The following CRACD variants were observed in gnomAD, a reference collection of about 807,000 sequenced individuals.
CRACD encodes capping protein inhibiting regulator of actin dynamics, also known as capping protein-inhibiting regulator of actin dynamics.
Under a neutral mutation model 106.8 loss-of-function variants are expected in CRACD, and 56 were observed. That is an observed-to-expected ratio of 0.52 (90% confidence interval 0.42 to 0.66). The LOEUF is 0.66. CRACD is among the 30% of genes least tolerant of loss of function. The pLI, the probability that CRACD is intolerant of heterozygous loss-of-function variation, is 0.00. For missense variants in CRACD, 1,730 were observed against 1,623.2 expected, an observed-to-expected ratio of 1.07 and a Z score of -1.13; for synonymous variants, 754 against 670.8, an observed-to-expected ratio of 1.12 and a Z score of -1.92.
chr4:56,182,633 G>A (rs1736880571), intron 2 of CRACD, among the ~76,000 whole-genome samples: 1 of 152,094 alleles, frequency 6.6e-6, no homozygotes, highest in Non-Finnish European at 1.5e-5. Context: ...CGACGTTGCA[G>A]TCCCTGTCCA....
chr4:56,314,544 G>C lies in CRACD; in HGVS notation c.1042G>C (p.Glu348Gln), dbSNP rs148920534. 4.7e-4 allele frequency: 710 copies of C among 1,504,984 alleles called. 2 individuals are homozygous for C. In the African/African-American group the frequency reaches 8.1e-3, roughly 17 times the overall value. The allele number at this position is 1,504,984 out of a possible 1,614,324, so 93.2% of individuals were successfully genotyped here. ...DARLEERRRQ[E>Q]EEEGRCAEEL... ...CAGGCTGGAGGAGCGGAGGCGGCAG[G>C]AGGAGGAGGAAGGAAGATGCGCGGA... Residue 348 changes from glutamate (E) to glutamine (Q), a missense_variant, in exon 8 of 11, where the codon GAG becomes CAG. Around this residue, in one of 5 missense-constraint regions of CRACD, gnomAD observed 1,620 missense variants for 1,481.6 expected, o/e 1.09. Transcript: ENST00000682029. The surrounding 1 kb of genome is among the most constrained non-coding windows in gnomAD (Gnocchi z 4.4).
At chr4:56,138,807 T>G (rs1034498808) in intron 1 of CRACD, among the ~76,000 whole-genome samples, 3 of 152,194 alleles carry the variant, frequency 2.0e-5, no homozygotes, top group South Asian at 2.1e-4. Flanking sequence ...CCTTTTGACC[T>G]AGAAAACTGA....
At chr4:56,308,392 CT>C in intron 5 of CRACD, among the ~76,000 whole-genome samples, 1 of 151,884 alleles carries the variant, frequency 6.6e-6, no homozygotes, top group East Asian at 1.9e-4. Context: ...GCCCTTAGAC[CT>C]CTTAGGGAAA....
intron 3 of CRACD, among the ~76,000 whole-genome samples, chr4:56,283,929 T>C (rs1329612897): frequency 6.6e-6 from 1 of 152,092 alleles, no homozygotes; most frequent in Non-Finnish European, 1.5e-5. Context: ...CTGGTTTAAG[T>C]TGAAAAGAAG....
At chr4:56,111,120 A>G (rs922252331) in intron 1 of CRACD, among the ~76,000 whole-genome samples, 18 of 152,222 alleles carry the variant, frequency 1.2e-4, no homozygotes, top group Non-Finnish European at 2.2e-4. Context: ...CAGCATTTAT[A>G]TAGTAATGAT....
intron 1 of CRACD, among the ~76,000 whole-genome samples, chr4:56,151,598 G>T (rs1242099405): frequency 2.0e-5 from 3 of 151,914 alleles, no homozygotes; most frequent in Non-Finnish European, 4.4e-5. Context: ...TTATTAGTTT[G>T]CTACCATTTA....
At chr4:56,071,846 G>T (rs1423809190) in intron 1 of CRACD, among the ~76,000 whole-genome samples, 2 of 151,768 alleles carry the variant, frequency 1.3e-5, no homozygotes, top group Admixed American at 1.3e-4. Context: ...TCAGAATTGG[G>T]GCCGGGCGCG....
In CRACD at chr4:56,314,500, G is replaced by T; in HGVS notation, c.998G>T (p.Arg333Leu). 3 of 1,517,258 alleles carry T rather than the reference G, an allele frequency of 2.0e-6. No homozygotes were observed. The highest frequency in any genetic ancestry group is 2.6e-6 in the Non-Finnish European group (3 of 1,135,904). The allele number at this position is 1,517,258 out of a possible 1,614,324, so 94.0% of individuals were successfully genotyped here. A position where few individuals can be genotyped will look rare whatever the true frequency, so the allele number is the denominator to read the frequency against. ...GCCCAGGCCCAAGCGGAGGAGAGGC[G>T]GCGGCTGGAGGAGGACGCCAGGCTG... ...LQAQAQAEER[R>L]RLEEDARLEE... is the part of the protein sequence containing the mutation. Residue 333 changes from arginine (R) to leucine (L), a missense_variant, in exon 8 of 11, where the codon CGG (arginine) becomes CTG (leucine). Arg to Leu is a moderately radical substitution (Grantham distance 102). Coordinates refer to ENST00000682029, the MANE Select transcript of CRACD (RefSeq NM_001393381.1). This position sits in a 1 kb window ranked among gnomAD's most constrained non-coding sequence, Gnocchi z 4.4.
intron 1 of CRACD, among the ~76,000 whole-genome samples, chr4:56,053,516 T>C (rs1166110886): frequency 6.6e-6 from 1 of 151,258 alleles, no homozygotes; most frequent in East Asian, 1.9e-4. Flanking sequence ...CAAATTTCAC[T>C]TTTTTTTTAC....
At chr4:56,260,399 A>G (rs570929016) in intron 2 of CRACD, among the ~76,000 whole-genome samples, 1 of 152,298 alleles carries the variant, frequency 6.6e-6, no homozygotes, top group East Asian at 1.9e-4. Flanking sequence ...TGAAAGGATG[A>G]CTTTCTTATT....
intron 3 of CRACD, 76 bp from the exon 4 acceptor site, chr4:56,298,138 A>G: frequency 1.3e-6 from 2 of 1,492,016 alleles, no homozygotes; most frequent in East Asian, 2.3e-5. Flanking sequence ...AGTCCCTCCA[A>G]TCAGGAATAA....
At chr4:56,185,538 A>AT (rs1005243853) in intron 2 of CRACD, among the ~76,000 whole-genome samples, 9 of 152,134 alleles carry the variant, frequency 5.9e-5, no homozygotes, top group African/African-American at 1.9e-4. Flanking sequence ...TTCTCCTGTC[A>AT]TTTTGCTGGG....
rs751599451 is a variant in CRACD, at chr4:56,315,112, A to G, written c.1610A>G (p.Tyr537Cys). ...VDERQTMPRPYTFQVSSGGKQ... is the reference protein window; with the variant it reads ...VDERQTMPRPCTFQVSSGGKQ... The stretch of plus-strand genomic sequence containing the variant: ...GAGAGACAGACCATGCCCCGGCCCT[A>G]CACGTTCCAGGTGTCCTCCGGAGGG... Residue 537 changes from tyrosine to cysteine, a missense_variant, in exon 8 of 11, where the codon TAC becomes TGC. By Grantham distance (194) the Tyr-to-Cys change is radical. Transcript: ENST00000682029. This position sits in a 1 kb window ranked among gnomAD's most constrained non-coding sequence, Gnocchi z 4.1. 4.3e-6 allele frequency: 7 copies of G among 1,610,904 alleles called. No individual in the cohort carries two copies. The Admixed American group carries it at 8.4e-5, about 19-fold the overall frequency.
intron 1 of CRACD, among the ~76,000 whole-genome samples, chr4:56,148,356 C>T (rs1264435298): frequency 6.6e-6 from 1 of 151,834 alleles, no homozygotes; most frequent in African/African-American, 2.4e-5. Flanking sequence ...GTGGTGTGAT[C>T]ATTGCTCACT....
intron 3 of CRACD, chr4:56,288,352 G>A (rs1159211417): frequency 1.1e-5 from 3 of 269,350 alleles, no homozygotes; most frequent in East Asian, 1.9e-4. Flanking sequence ...AGATAGTGAC[G>A]AAAGTACCCA....
intron 1 of CRACD, among the ~76,000 whole-genome samples, chr4:56,143,816 A>G (rs1201405963): frequency 1.3e-5 from 2 of 152,182 alleles, no homozygotes; most frequent in East Asian, 3.8e-4. Context: ...TTGTGCTGGA[A>G]TGCTGTTAAA....
chr4:56,095,313 G>A (rs1366943996), intron 1 of CRACD, among the ~76,000 whole-genome samples: 1 of 152,160 alleles, frequency 6.6e-6, no homozygotes, highest in Non-Finnish European at 1.5e-5. Context: ...CATTTTAGTT[G>A]GGGAAGACAG....
intron 3 of CRACD, among the ~76,000 whole-genome samples, chr4:56,287,373 C>T (rs1488297405): frequency 4.6e-5 from 7 of 152,034 alleles, no homozygotes; most frequent in Non-Finnish European, 8.8e-5. Flanking sequence ...ACCTCTGTCT[C>T]CCAGGTTCAA....
At chr4:56,185,066 C>G (rs1283009820) in intron 2 of CRACD, among the ~76,000 whole-genome samples, 1 of 152,204 alleles carries the variant, frequency 6.6e-6, no homozygotes, top group Non-Finnish European at 1.5e-5. Context: ...ACGCCATTCT[C>G]CTGCCTCAGC....
Sources: gnomAD v4.1 joint callset for allele counts (sites outside exome capture counted in the v4.1 genomes callset) on GRCh38, gnomAD v4.1.1 for gene constraint, gnomAD v4.1.1 regional missense constraint, Gnocchi (gnomAD v3.1) non-coding constraint, MANE v1.5 for transcripts, NCBI Gene and HGNC (gene_info 2026-07-23, HGNC 2026-07-21) for gene names.